REST: variants seen among roughly 807,000 people sequenced by gnomAD.
REST encodes the protein RE1 silencing transcription factor, also known as RE1-silencing transcription factor.
REST carries 1 observed loss-of-function variant against 30.4 expected under a neutral mutation model. The observed-to-expected ratio is 0.03, with a 90% CI of 0.01 to 0.16. The LOEUF (loss-of-function observed/expected upper bound fraction) is 0.16, where lower values mean the gene tolerates loss of function less well. REST is among the 10% of genes least tolerant of loss of function. REST has a pLI of 1.00. For missense variants in REST, 1,259 were observed against 1,329.5 expected (o/e 0.95, Z 0.82); for synonymous variants, 504 against 451.1 (o/e 1.12, Z -1.49).
At chr4:56,922,502 G>A (rs1720503839) in intron 3 of REST, 1 of 151,930 alleles carries the variant, frequency 6.6e-6, no homozygotes, top group African/African-American at 2.4e-5. Flanking sequence ...TAGTAGAGAT[G>A]AGGTTTCACC....
intron 2 of REST, among the ~76,000 whole-genome samples, chr4:56,918,001 G>A (rs1720282183): frequency 7.2e-6 from 1 of 139,704 alleles, no homozygotes; most frequent in Non-Finnish European, 1.5e-5. Flanking sequence ...GCAGTGAGCC[G>A]AGATCTCACC....
At position 56,935,806 on chromosome 4, in the gene REST, T is replaced by C. The variant is rs539216777; in HGVS notation, c.*3654T>C. 6.6e-6 allele frequency: 1 copy of C among 152,388 alleles called. No individual in the cohort carries two copies. Among genetic ancestry groups the C allele is most frequent in the Non-Finnish European group, 1.5e-5 (1 of 68,038 alleles). The allele number at this position is 152,388 out of a possible 1,614,324, so 9.4% of individuals were successfully genotyped here. ...CTATTAACCAATATGAGTGTATTTC[T>C]GTAAGCATAGTTATGTTGAAATAAA... is the stretch of plus-strand genomic sequence containing the variant. On this transcript the variant is annotated 3_prime_UTR_variant, in exon 4 of 4. Transcript: ENST00000309042.
Position 56,933,345 on chromosome 4 carries a change from C to A in REST, c.*1193C>A, listed in dbSNP as rs1038135228. The A allele has an allele frequency of 1.3e-5, 2 of 152,134 alleles. No individual in the cohort carries two copies. Among genetic ancestry groups the A allele is most frequent in the Non-Finnish European group, 2.9e-5 (2 of 68,026 alleles). 9.4% of individuals were successfully genotyped at this position (152,134 alleles called of 1,614,324 possible). A position where few individuals can be genotyped will look rare whatever the true frequency, so the allele number is the denominator to read the frequency against. On this transcript the variant is annotated 3_prime_UTR_variant, in exon 4 of 4. Coordinates refer to ENST00000309042, the MANE Select transcript of REST (RefSeq NM_005612.5). ...AACTGTAAGTGATATTTGGAAACTA[C>A]AAACCTGGAATTAGGAGATATAATT...
chr4:56,927,839 CAAG>C (rs1720782332), intron 3 of REST, among the ~76,000 whole-genome samples: 1 of 152,126 alleles, frequency 6.6e-6, no homozygotes, highest in East Asian at 1.9e-4. Flanking sequence ...GGGGGAAAAT[CAAG>C]AAAGTTTTCT....
rs1721001404 is a variant in REST, at chr4:56,932,175, G to A, written c.*23G>A. On this transcript the variant is annotated 3_prime_UTR_variant, in exon 4 of 4. Transcript: ENST00000309042. ...TAATGAAACTTTGAACAAGGTTTCA[G>A]TTCTTAGTTTGTAAGGTATATTACA... is the stretch of plus-strand genomic sequence containing the variant. 6.3e-7 allele frequency: 1 copy of A among 1,575,750 alleles called. No homozygotes were observed.
intron 2 of REST, among the ~76,000 whole-genome samples, chr4:56,915,606 T>C (rs1720161852): frequency 6.6e-6 from 1 of 152,118 alleles, no homozygotes; most frequent in Non-Finnish European, 1.5e-5. Flanking sequence ...ATTTTGATTA[T>C]GTAAATTCTG....
rs1015434923 is a variant in REST, at chr4:56,931,198, G to T, written c.2340G>T (p.Glu780Asp). The T allele has an allele frequency of 4.8e-5, 77 of 1,614,064 alleles. No individual in the cohort carries two copies. The East Asian group carries it at 1.7e-3, about 35-fold the overall frequency. Residue 780 changes from glutamate (E) to aspartate (D), a missense_variant, in exon 4 of 4, where the codon GAG (glutamate) becomes GAT (aspartate). Glu to Asp is a conservative substitution (Grantham distance 45, BLOSUM62 2). Around this residue, in one of 5 missense-constraint regions of REST, gnomAD observed 856 missense variants for 772.8 expected, o/e 1.11. Coordinates refer to ENST00000309042, the MANE Select transcript of REST (RefSeq NM_005612.5). ...TCCAGAAGGAGCCTGTTCAGATGGAGTTGTCTCCTCCCATGGGGGTGGTTC... is the reference window on the plus strand; with the variant it reads ...TCCAGAAGGAGCCTGTTCAGATGGATTTGTCTCCTCCCATGGGGGTGGTTC... ...EVVQKEPVQM[E>D]LSPPMGVVQK...
At chr4:56,924,105 G>A (rs1411036507) in intron 3 of REST, among the ~76,000 whole-genome samples, 1 of 151,984 alleles carries the variant, frequency 6.6e-6, no homozygotes, top group Non-Finnish European at 1.5e-5. Context: ...CAGTTCTCTT[G>A]TCTCAGCCTC....
intron 2 of REST, among the ~76,000 whole-genome samples, chr4:56,912,273 T>C (rs2109527309): frequency 6.6e-6 from 1 of 152,282 alleles, no homozygotes; most frequent in East Asian, 1.9e-4. Flanking sequence ...AAAATGTATT[T>C]TTCAGACAAT....
Position 56,911,417 on chromosome 4 carries a change from A to G in REST, c.779A>G (p.Glu260Gly), listed in dbSNP as rs777955335. Residue 260 changes from glutamate to glycine, a missense_variant, in exon 2 of 4, where the codon GAG (glutamate) becomes GGG (glycine). Glu to Gly is a moderately conservative substitution (Grantham distance 98). Around this residue, in one of 5 missense-constraint regions of REST, gnomAD observed 125 missense variants for 255.4 expected, o/e 0.49. Coordinates refer to ENST00000309042, the MANE Select transcript of REST (RefSeq NM_005612.5). ...ATTTGCACATACACAACAGTGAGCGAGTATCACTGGAGGAAACATTTAAGA... is the reference window on the plus strand; with the variant it reads ...ATTTGCACATACACAACAGTGAGCGGGTATCACTGGAGGAAACATTTAAGA... ...CIICTYTTVS[E>G]YHWRKHLRNH... 6.2e-7 allele frequency: 1 copy of G among 1,614,184 alleles called. No homozygotes were observed. Among genetic ancestry groups the G allele is most frequent in the Non-Finnish European group, 8.5e-7 (1 of 1,179,982 alleles).
rs1402725536 is a variant in REST, at chr4:56,933,452, A to G, written c.*1300A>G. On this transcript the variant is annotated 3_prime_UTR_variant, in exon 4 of 4. Coordinates refer to ENST00000309042, the MANE Select transcript of REST (RefSeq NM_005612.5). ...GCGGCAAACCTAGGATAAGAAAGGT[A>G]GTATGAGTGCTGGTAGACCAGCTGC... The G allele has an allele frequency of 2.6e-5, 4 of 152,250 alleles. No homozygotes were observed. Among genetic ancestry groups the G allele is most frequent in the African/African-American group, 9.6e-5 (4 of 41,470 alleles). 9.4% of individuals were successfully genotyped at this position (152,250 alleles called of 1,614,324 possible).
chr4:56,918,088 A>G lies in REST; in HGVS notation c.899-1699A>G, dbSNP rs78150860. Among the ~76,000 whole-genome samples, 329 of 151,070 alleles carry G rather than the reference A, an allele frequency of 2.2e-3. 2 individuals are homozygous for G. Among genetic ancestry groups the G allele is most frequent in the Middle Eastern group, 0.014 (4 of 284 alleles). On this transcript the variant is annotated intron_variant, in intron 2 of 3. Transcript: ENST00000309042. ...AAAAAAGGCTTGTTTTGTTGTTGACAGCCATGTCTAAAAAGAATATACGTT... is the reference window on the plus strand; with the variant it reads ...AAAAAAGGCTTGTTTTGTTGTTGACGGCCATGTCTAAAAAGAATATACGTT...
At chr4:56,915,300 C>T (rs1299232706) in intron 2 of REST, among the ~76,000 whole-genome samples, 1 of 129,114 alleles carries the variant, frequency 7.7e-6, no homozygotes, top group Non-Finnish European at 1.5e-5. Context: ...GGCTGGAGTG[C>T]AATGGCGTGA....
At chr4:56,926,415 T>TG (rs1323388912) in intron 3 of REST, among the ~76,000 whole-genome samples, 1 of 148,228 alleles carries the variant, frequency 6.7e-6, no homozygotes, top group Non-Finnish European at 1.5e-5. Flanking sequence ...CTTGCTCTGT[T>TG]GCCCAGGCTG....
Position 56,923,689 on chromosome 4 carries a change from G to A in REST, c.982+3819G>A, listed in dbSNP as rs189585968. On this transcript the variant is annotated intron_variant, in intron 3 of 3. Coordinates refer to ENST00000309042, the MANE Select transcript of REST (RefSeq NM_005612.5). ...GCTGGAATTACAGGCATGAGTCACC[G>A]CGCCTGGCTGGAACTATTATTTTTA... 6.7e-5 allele frequency among the ~76,000 whole-genome samples: 10 copies of A among 149,602 alleles called. No individual in the cohort carries two copies. In the East Asian group the frequency reaches 9.9e-4, roughly 15 times the overall value.
Position 56,933,304 on chromosome 4 carries a change from A to G in REST, c.*1152A>G, listed in dbSNP as rs1721039897. On this transcript the variant is annotated 3_prime_UTR_variant, in exon 4 of 4. Coordinates refer to ENST00000309042, the MANE Select transcript of REST (RefSeq NM_005612.5). ...ATAGATGGTTGGTGTTCATATGGCT[A>G]CTTTACAATAAAGAGAACTGTAAGT... The G allele has an allele frequency of 2.0e-5, 3 of 152,138 alleles. No individual in the cohort carries two copies. The highest frequency in any genetic ancestry group is 1.9e-4 in the East Asian group (1 of 5,200). 9.4% of individuals were successfully genotyped at this position (152,138 alleles called of 1,614,324 possible).
intron 1 of REST, among the ~76,000 whole-genome samples, chr4:56,908,716 C>T (rs1719740504): frequency 6.6e-6 from 1 of 151,866 alleles, no homozygotes; most frequent in Non-Finnish European, 1.5e-5. Flanking sequence ...GCCCCGGGGC[C>T]CGGGCGGTTC....
Position 56,934,787 on chromosome 4 carries a change from G to C in REST, c.*2635G>C, listed in dbSNP as rs1038052667. 6.6e-6 allele frequency: 1 copy of C among 152,108 alleles called. No homozygotes were observed. The highest frequency in any genetic ancestry group is 2.4e-5 in the African/African-American group (1 of 41,432). The allele number at this position is 152,108 out of a possible 1,614,324, so 9.4% of individuals were successfully genotyped here. On this transcript the variant is annotated 3_prime_UTR_variant, in exon 4 of 4. Coordinates refer to ENST00000309042, the MANE Select transcript of REST (RefSeq NM_005612.5). ...AGAACAAAAATTGAACATGTTATTT[G>C]TAAATTGATGTTTAGTAATTAGTGA...
In REST at chr4:56,908,859, T is replaced by C. The variant is rs1396000864; in HGVS notation, c.-10+646T>C. Reference sequence around the variant, plus strand: ...TGCCGGGCGCCGTGGGGGAGTGAAGTTCGCAAACTTCCGGGGCGCGGGGGT... The same window carrying C: ...TGCCGGGCGCCGTGGGGGAGTGAAGCTCGCAAACTTCCGGGGCGCGGGGGT... On this transcript the variant is annotated intron_variant, in intron 1 of 3. Coordinates refer to ENST00000309042, the MANE Select transcript of REST (RefSeq NM_005612.5). 4 of 151,662 alleles carry C rather than the reference T, an allele frequency of 2.6e-5. No individual in the cohort carries two copies. The East Asian group carries it at 7.8e-4, about 29-fold the overall frequency. The allele number at this position is 151,662 out of a possible 1,614,324, so 9.4% of individuals were successfully genotyped here.
Sources: allele counts gnomAD v4.1 joint callset (sites outside exome capture counted in the v4.1 genomes callset), GRCh38; gene constraint gnomAD v4.1.1; regional missense constraint gnomAD v4.1.1; transcripts MANE v1.5; gene names NCBI Gene and HGNC (gene_info 2026-07-23, HGNC 2026-07-21).